Variants in TENM2 observed in about 807,000 individuals in gnomAD.
TENM2 encodes the protein teneurin transmembrane protein 2, also known as teneurin-2.
TENM2 carries 52 observed loss-of-function variants against 245.2 expected under a neutral mutation model. That is an observed-to-expected ratio of 0.21 (90% confidence interval 0.17 to 0.27). The LOEUF (loss-of-function observed/expected upper bound fraction) is 0.27. Among genes scored for constraint, TENM2 ranks in the 10% least tolerant of loss-of-function variants. The pLI is 1.00. For missense variants in TENM2, 3,046 were observed against 3,666.8 expected (o/e 0.83, Z 4.37); for synonymous variants, 1,363 against 1,438.9 (o/e 0.95, Z 1.19).
rs138870328 is a variant in TENM2, at chr5:167,386,950, C to G, written c.502+11477C>G. On this transcript the variant is annotated intron_variant, in intron 2 of 28. Transcript: ENST00000518659. ...TTTGAAATCAGGTAATGTGATGCCT[C>G]CAGATTTGTTCTTTTTGTTTGGTCT... is the stretch of plus-strand genomic sequence containing the variant. Among the ~76,000 whole-genome samples, 258 of 152,178 alleles carry G rather than the reference C, an allele frequency of 1.7e-3. 7 individuals are homozygous for G. The East Asian group carries it at 0.045, about 26-fold the overall frequency.
At chr5:167,474,727 G>T (rs1408723856) in intron 2 of TENM2, among the ~76,000 whole-genome samples, 1 of 152,090 alleles carries the variant, frequency 6.6e-6, no homozygotes, top group East Asian at 1.9e-4. Flanking sequence ...TGTTAGTCAG[G>T]CTGGTCTTGA....
chr5:167,650,891 A>G (rs181010054), intron 2 of TENM2, among the ~76,000 whole-genome samples: 104 of 152,312 alleles, frequency 6.8e-4, no homozygotes, highest in African/African-American at 2.3e-3. Context: ...ATTTCAGTAT[A>G]AAAGTTGAAA....
intron 5 of TENM2, among the ~76,000 whole-genome samples, chr5:168,006,703 G>A (rs1050005515): frequency 6.6e-6 from 1 of 152,124 alleles, no homozygotes; most frequent in Admixed American, 6.5e-5. Context: ...GCCTGTTCAC[G>A]GAGCCACAGC....
chr5:167,458,769 TACTATTATTATCCTCGATTC>T (rs1766101472), intron 2 of TENM2, among the ~76,000 whole-genome samples: 1 of 152,124 alleles, frequency 6.6e-6, no homozygotes, highest in African/African-American at 2.4e-5. Context: ...ATGAAGAAAA[TACTATTATTATCCTCGATTC>T]ACTGATGAGA....
At chr5:167,436,974 A>G (rs559579116) in intron 2 of TENM2, among the ~76,000 whole-genome samples, 1 of 152,308 alleles carries the variant, frequency 6.6e-6, no homozygotes, top group South Asian at 2.1e-4. Context: ...AACCTCTGCT[A>G]GGGCAGTGTA....
At chr5:167,084,364 T>TATATATATATATATATATATATATAC in the TENM2 span, among the ~76,000 whole-genome samples, 1 of 111,152 alleles carries the variant, frequency 9.0e-6, no homozygotes, top group African/African-American at 3.1e-5. Context: ...TATATATATA[T>TATATATATATATATATATATATATAC]ATACAGATCA....
chr5:168,014,307 T>C (rs893523387), intron 5 of TENM2, among the ~76,000 whole-genome samples: 3 of 152,246 alleles, frequency 2.0e-5, no homozygotes, highest in Non-Finnish European at 4.4e-5. Flanking sequence ...GCTATTATCT[T>C]TTCTATCTTA....
chr5:167,846,005 C>T lies in TENM2; in HGVS notation c.503-29981C>T, dbSNP rs530947339. Among the ~76,000 whole-genome samples, 4 of 152,284 alleles carry T rather than the reference C, an allele frequency of 2.6e-5. No individual in the cohort carries two copies. In the South Asian group the frequency reaches 6.2e-4, roughly 24 times the overall value. ...GCCTCATCCTTCACCCCATCTTCTT[C>T]GCAATGCCCAACTCTAAAATCACCT... On this transcript the variant is annotated intron_variant, in intron 2 of 28. Transcript: ENST00000518659.
the TENM2 span, among the ~76,000 whole-genome samples, chr5:167,271,563 C>A: frequency 1.9e-4 from 29 of 152,130 alleles, no homozygotes; most frequent in Non-Finnish European, 3.2e-4. Flanking sequence ...ACTATCATGG[C>A]AAATATCTAG....
At chr5:167,596,312 G>A (rs945445539) in intron 2 of TENM2, among the ~76,000 whole-genome samples, 4 of 152,062 alleles carry the variant, frequency 2.6e-5, no homozygotes, top group Non-Finnish European at 2.9e-5. Flanking sequence ...CCCCACAGTC[G>A]GAAGCAGGAG....
Position 167,644,597 on chromosome 5 carries a change from C to T in TENM2, c.503-231389C>T, listed in dbSNP as rs145882600. Among the ~76,000 whole-genome samples, 770 of 152,244 alleles carry T rather than the reference C, an allele frequency of 5.1e-3. 2 individuals carry two copies. The highest frequency in any genetic ancestry group is 6.9e-3 in the Non-Finnish European group (470 of 68,008). ...CATTACGAGGCTGGAATAAGATAAA[C>T]GCCTCATGACATAGCTTCTACCATT... On this transcript the variant is annotated intron_variant, in intron 2 of 28. Coordinates refer to ENST00000518659, the Ensembl canonical transcript of TENM2.
At chr5:167,388,084 A>G (rs1042955475) in intron 2 of TENM2, among the ~76,000 whole-genome samples, 2 of 152,070 alleles carry the variant, frequency 1.3e-5, no homozygotes, top group South Asian at 2.1e-4. Flanking sequence ...AATAGTGTCA[A>G]TAGGATTGGT....
chr5:167,440,461 T>C (rs1033700009), intron 2 of TENM2, among the ~76,000 whole-genome samples: 9 of 152,106 alleles, frequency 5.9e-5, no homozygotes, highest in African/African-American at 2.2e-4. Context: ...ATGTGTCACA[T>C]TGGTTATTAA....
intron 2 of TENM2, among the ~76,000 whole-genome samples, chr5:167,511,357 G>A (rs937891230): frequency 1.3e-5 from 2 of 152,122 alleles, no homozygotes; most frequent in African/African-American, 4.8e-5. Flanking sequence ...GTAGAGATCA[G>A]CTGCTTCTGA....
chr5:167,831,888 C>T (rs1383911533), intron 2 of TENM2, among the ~76,000 whole-genome samples: 2 of 151,930 alleles, frequency 1.3e-5, no homozygotes, highest in Admixed American at 6.5e-5. Context: ...TGTAGATTTC[C>T]ACATGCAGCC....
chr5:168,011,657 C>T (rs1785230786), intron 5 of TENM2, among the ~76,000 whole-genome samples: 1 of 152,024 alleles, frequency 6.6e-6, no homozygotes, highest in African/African-American at 2.4e-5. Context: ...TGTCCATGGC[C>T]CTCAGTCCCC....
chr5:167,147,396 G>T, the TENM2 span, among the ~76,000 whole-genome samples: 4 of 152,022 alleles, frequency 2.6e-5, no homozygotes, highest in Non-Finnish European at 1.5e-5. Flanking sequence ...ATTTTTTGTG[G>T]GTATTCGGAT....
intron 1 of TENM2, among the ~76,000 whole-genome samples, chr5:167,304,782 A>G (rs549195142): frequency 6.6e-6 from 1 of 152,230 alleles, no homozygotes; most frequent in South Asian, 2.1e-4. Flanking sequence ...TTTTGAGTAC[A>G]TGGGAGTTTT....
At chr5:167,979,073 T>G (rs1562009745) in intron 4 of TENM2, among the ~76,000 whole-genome samples, 1 of 152,192 alleles carries the variant, frequency 6.6e-6, no homozygotes, top group Non-Finnish European at 1.5e-5. Flanking sequence ...TGTAATATGT[T>G]GACATCTGAA....
Sources: allele counts gnomAD v4.1 joint callset (sites outside exome capture counted in the v4.1 genomes callset), GRCh38; gene constraint gnomAD v4.1.1; transcripts MANE v1.5; gene names NCBI Gene and HGNC (gene_info 2026-07-23, HGNC 2026-07-21).